Variants in PLXDC1 observed in about 807,000 individuals in gnomAD.
PLXDC1 encodes the protein plexin domain-containing protein 1.
A neutral mutation model predicts 61.3 loss-of-function variants in PLXDC1; 39 were observed. The ratio of observed to expected loss-of-function variants is 0.64; its 90% CI spans 0.49 to 0.83. PLXDC1 has a LOEUF of 0.83. Ranked by LOEUF, PLXDC1 falls within the 40% of genes least tolerant of loss-of-function variation. PLXDC1 has a pLI of 0.00. For missense variants in PLXDC1, 596 were observed against 666.5 expected (o/e 0.89, Z 1.17); for synonymous variants, 212 against 254.5 (o/e 0.83, Z 1.59).
chr17:39,097,429 G>A (rs933250842), intron 7 of PLXDC1, among the ~76,000 whole-genome samples: 1 of 151,968 alleles, frequency 6.6e-6, no homozygotes. Flanking sequence ...CCTGCTTGCC[G>A]GATTGAATGT....
intron 2 of PLXDC1, among the ~76,000 whole-genome samples, chr17:39,116,101 CAGTG>C (rs1375616625): frequency 6.6e-6 from 1 of 152,098 alleles, no homozygotes; most frequent in East Asian, 1.9e-4. Flanking sequence ...CTGGGTGACA[CAGTG>C]AGACTCCGTC....
At chr17:39,150,634 G>C (rs188309201) in intron 1 of PLXDC1, among the ~76,000 whole-genome samples, 3 of 152,268 alleles carry the variant, frequency 2.0e-5, no homozygotes, top group East Asian at 3.9e-4. Context: ...GAACTGGTAG[G>C]GGGGAAGAGG....
At chr17:39,114,058 C>T (rs1371809229) in intron 2 of PLXDC1, among the ~76,000 whole-genome samples, 1 of 152,120 alleles carries the variant, frequency 6.6e-6, no homozygotes, top group South Asian at 2.1e-4. Flanking sequence ...GGAATGCAGA[C>T]ATGATGGCTG....
intron 7 of PLXDC1, among the ~76,000 whole-genome samples, chr17:39,103,845 CA>C (rs11370520): frequency 0.01 from 1,195 of 116,510 alleles, 10 homozygotes; most frequent in African/African-American, 0.029. Flanking sequence ...GACTCTGTCT[CA>C]AAAAAAAAAA....
rs1455753642 is a variant in PLXDC1 at position 39,064,629 on chromosome 17, T to A, written c.*3211A>T. ...GGGGGTGGACCAATAACCAGACTCA[T>A]CCGAACGCTTGGCTGATGGTTTTCC... is the stretch of plus-strand genomic sequence containing the variant. On this transcript the variant is annotated 3_prime_UTR_variant, in exon 14 of 14. Transcript: ENST00000315392. 2.0e-5 allele frequency: 3 copies of A among 152,186 alleles called. No homozygotes were observed. Among genetic ancestry groups the A allele is most frequent in the Non-Finnish European group, 4.4e-5 (3 of 68,064 alleles). The allele number at this position is 152,186 out of a possible 1,614,324, so 9.4% of individuals were successfully genotyped here.
At chr17:39,071,718 A>C (rs1184252559) in intron 12 of PLXDC1, among the ~76,000 whole-genome samples, 1 of 151,946 alleles carries the variant, frequency 6.6e-6, no homozygotes, top group African/African-American at 2.4e-5. Flanking sequence ...ACACACACAC[A>C]CCCACTGCCT....
At position 39,151,588 on chromosome 17, in the gene PLXDC1, C is replaced by A; in HGVS notation, c.-151G>T. On this transcript the variant is annotated 5_prime_UTR_variant, in exon 1 of 14. Coordinates refer to ENST00000315392, the MANE Select transcript of PLXDC1 (RefSeq NM_020405.5). The surrounding 1 kb of genome is among the most constrained non-coding windows in gnomAD (Gnocchi z 5.2). ...CGGAGCGCGGGGCCGGGCGAGCCGGCAGGAGCGGCGAGAGCGCGAGCGGAG... is the reference window on the plus strand; with the variant it reads ...CGGAGCGCGGGGCCGGGCGAGCCGGAAGGAGCGGCGAGAGCGCGAGCGGAG... 8.6e-7 allele frequency: 1 copy of A among 1,166,598 alleles called. No individual in the cohort carries two copies. Among genetic ancestry groups the A allele is most frequent in the Non-Finnish European group, 1.1e-6 (1 of 945,824 alleles). 72.3% of individuals were successfully genotyped at this position (1,166,598 alleles called of 1,614,324 possible). A position where few individuals can be genotyped will look rare whatever the true frequency, so the allele number is the denominator to read the frequency against.
chr17:39,128,087 C>CTATGTATATATATATATATATATA (rs1304464750), intron 2 of PLXDC1, among the ~76,000 whole-genome samples: 5 of 67,246 alleles, frequency 7.4e-5, no homozygotes, highest in African/African-American at 2.7e-4. Context: ...CTCTCTCTCT[C>CTATGTATATATATATATATATATA]TCTCTATGTG....
At chr17:39,084,645 A>T (rs570954748) in intron 8 of PLXDC1, among the ~76,000 whole-genome samples, 1 of 152,358 alleles carries the variant, frequency 6.6e-6, no homozygotes, top group South Asian at 2.1e-4. Flanking sequence ...AGCAGCAGCC[A>T]GAACTGCTAC....
At chr17:39,076,077 G>GA (rs71352340) in intron 11 of PLXDC1, among the ~76,000 whole-genome samples, 23,542 of 81,460 alleles carry the variant, frequency 0.29, 2,959 homozygotes, top group South Asian at 0.42. Context: ...GACTAAGTCT[G>GA]AAAAAAAAAA....
chr17:39,101,632 C>G (rs757319), intron 7 of PLXDC1, among the ~76,000 whole-genome samples: 6,514 of 152,226 alleles, frequency 0.043, 154 homozygotes, highest in African/African-American at 0.066. Flanking sequence ...CCTTATTTGC[C>G]GCTTAGCAGT....
chr17:39,108,467 C>T, intron 4 of PLXDC1: 1 of 579,432 alleles, frequency 1.7e-6, no homozygotes. Context: ...AGGGCACAGA[C>T]TATAGGGCGA....
rs531759264 is a variant in PLXDC1 at position 39,151,038 on chromosome 17, T to C, written c.76+324A>G. On this transcript the variant is annotated intron_variant, in intron 1 of 13. Coordinates refer to ENST00000315392, the MANE Select transcript of PLXDC1 (RefSeq NM_020405.5). The surrounding 1 kb of genome is among the most constrained non-coding windows in gnomAD (Gnocchi z 5.2). ...CAGAATTCAGCCTTGCCTGGGGTGA[T>C]CAGGGGTCCTGATGACTCTCCCGCT... Among the ~76,000 whole-genome samples, 14 of 152,192 alleles carry C rather than the reference T, an allele frequency of 9.2e-5. No individual in the cohort carries two copies. Among genetic ancestry groups the C allele is most frequent in the Admixed American group, 5.2e-4 (8 of 15,294 alleles).
chr17:39,121,104 G>T (rs1911149617), intron 2 of PLXDC1, among the ~76,000 whole-genome samples: 1 of 152,066 alleles, frequency 6.6e-6, no homozygotes, highest in African/African-American at 2.4e-5. Context: ...GCCTCCCAAA[G>T]TGCTGGGATT....
chr17:39,104,948 G>A (rs867490013), intron 7 of PLXDC1, among the ~76,000 whole-genome samples: 15 of 152,286 alleles, frequency 9.8e-5, no homozygotes, highest in South Asian at 4.1e-4. Flanking sequence ...TGCCTCCCCC[G>A]GGAAGCCCTG....
chr17:39,098,378 C>T (rs1169878258), intron 7 of PLXDC1, among the ~76,000 whole-genome samples: 2 of 152,176 alleles, frequency 1.3e-5, no homozygotes, highest in Non-Finnish European at 2.9e-5. Context: ...CACCTAGAGT[C>T]ACAATAGAGC....
chr17:39,132,834 G>T (rs1911609225), intron 2 of PLXDC1, among the ~76,000 whole-genome samples: 1 of 152,044 alleles, frequency 6.6e-6, no homozygotes, highest in Non-Finnish European at 1.5e-5. Flanking sequence ...GAGGCAAAAG[G>T]CATGGCAGCC....
chr17:39,119,389 C>T (rs1165638984), intron 2 of PLXDC1, among the ~76,000 whole-genome samples: 1 of 152,182 alleles, frequency 6.6e-6, no homozygotes, highest in Non-Finnish European at 1.5e-5. Flanking sequence ...GATCACTATA[C>T]ATTATATGTA....
chr17:39,101,989 G>A (rs2143623145), intron 7 of PLXDC1, among the ~76,000 whole-genome samples: 1 of 152,318 alleles, frequency 6.6e-6, no homozygotes, highest in East Asian at 1.9e-4. Flanking sequence ...GTTGTAGGAA[G>A]GTGGAGGAAG....
Sources: allele counts gnomAD v4.1 joint callset (sites outside exome capture counted in the v4.1 genomes callset), GRCh38; gene constraint gnomAD v4.1.1; non-coding constraint Gnocchi (gnomAD v3.1); transcripts MANE v1.5; gene names NCBI Gene and HGNC (gene_info 2026-07-23, HGNC 2026-07-21).